The following ADCY2 variants were observed in gnomAD, a reference collection of about 807,000 sequenced individuals.
ADCY2 encodes adenylate cyclase type 2.
In ADCY2, 31 loss-of-function variants were observed where a neutral mutation model predicts 125.2. The ratio of observed to expected loss-of-function variants is 0.25; its 90% CI spans 0.19 to 0.33. The LOEUF is 0.33. Ranked by LOEUF, ADCY2 falls within the 10% of genes least tolerant of loss-of-function variation. ADCY2 has a pLI of 1.00. For synonymous variants in ADCY2, 512 were observed against 548.4 expected (o/e 0.93, Z 0.93); for missense variants, 904 against 1,418.2 (o/e 0.64, Z 5.82).
chr5:7,598,518 G>C (rs561649425), intron 3 of ADCY2, among the ~76,000 whole-genome samples: 1 of 152,292 alleles, frequency 6.6e-6, no homozygotes, highest in South Asian at 2.1e-4. Context: ...AGAATTTTCT[G>C]TGGGGGGTTC....
intron 20 of ADCY2, among the ~76,000 whole-genome samples, chr5:7,792,790 G>A (rs1195623973): frequency 6.6e-6 from 1 of 152,192 alleles, no homozygotes; most frequent in Admixed American, 6.5e-5. Flanking sequence ...ACGTGAGCTG[G>A]TTACTTCCCT....
chr5:7,735,172 A>C (rs1211367369), intron 14 of ADCY2, among the ~76,000 whole-genome samples: 1 of 152,188 alleles, frequency 6.6e-6, no homozygotes, highest in Non-Finnish European at 1.5e-5. Context: ...TAGAATACTG[A>C]AGAGCCTGAA....
At chr5:7,787,214 T>G (rs971092742) in intron 19 of ADCY2, among the ~76,000 whole-genome samples, 1 of 152,128 alleles carries the variant, frequency 6.6e-6, no homozygotes, top group African/African-American at 2.4e-5. Context: ...GCACACAGAA[T>G]CCTCTGTCTC....
chr5:7,649,220 T>C (rs1273758414), intron 4 of ADCY2, among the ~76,000 whole-genome samples: 2 of 152,208 alleles, frequency 1.3e-5, no homozygotes, highest in East Asian at 3.8e-4. Context: ...AATTGGAACA[T>C]TGATATTAAA....
At chr5:7,512,237 A>AAAAAAAAAAAAAAAAAAAAAAAAC in intron 2 of ADCY2, among the ~76,000 whole-genome samples, 3 of 149,694 alleles carry the variant, frequency 2.0e-5, no homozygotes, top group African/African-American at 5.0e-5. Context: ...AAAAAAAAAA[A>AAAAAAAAAAAAAAAAAAAAAAAAC]AAAGAAAACC....
intron 1 of ADCY2, among the ~76,000 whole-genome samples, chr5:7,404,379 A>G (rs575440970): frequency 6.6e-6 from 1 of 152,278 alleles, no homozygotes; most frequent in East Asian, 1.9e-4. Context: ...ATATTAGATT[A>G]TGTCATGGAA....
chr5:7,411,568 G>A (rs1739718829), intron 1 of ADCY2, among the ~76,000 whole-genome samples: 1 of 152,048 alleles, frequency 6.6e-6, no homozygotes, highest in South Asian at 2.1e-4. Flanking sequence ...CTCTAAGAGG[G>A]CTGTAGGACC....
intron 16 of ADCY2, among the ~76,000 whole-genome samples, chr5:7,759,786 A>G (rs938959176): frequency 3.3e-5 from 5 of 152,156 alleles, no homozygotes; most frequent in Non-Finnish European, 7.3e-5. Flanking sequence ...CTGGGGTACC[A>G]CTGGGCTCCA....
intron 2 of ADCY2, among the ~76,000 whole-genome samples, chr5:7,517,841 A>G (rs1316867191): frequency 6.6e-6 from 1 of 152,164 alleles, no homozygotes; most frequent in Non-Finnish European, 1.5e-5. Context: ...AAATTAAGCT[A>G]CTCAAAAGTT....
intron 3 of ADCY2, among the ~76,000 whole-genome samples, chr5:7,560,203 G>T (rs73739846): frequency 0.014 from 2,056 of 152,274 alleles, 42 homozygotes; most frequent in African/African-American, 0.047. Flanking sequence ...TAACAGCCCT[G>T]CATTTTGTTT....
chr5:7,716,152 G>C (rs1382064166), intron 11 of ADCY2, among the ~76,000 whole-genome samples: 11 of 152,254 alleles, frequency 7.2e-5, no homozygotes, highest in African/African-American at 2.6e-4. Flanking sequence ...TTATATTATG[G>C]CTAAAGGTTA....
intron 3 of ADCY2, among the ~76,000 whole-genome samples, chr5:7,558,209 C>T (rs568409889): frequency 2.0e-5 from 3 of 152,146 alleles, no homozygotes; most frequent in East Asian, 3.9e-4. Flanking sequence ...CACGCCACCA[C>T]GCCTGGCTAA....
At chr5:7,704,198 G>A (rs193074640) in intron 7 of ADCY2, among the ~76,000 whole-genome samples, 1 of 152,152 alleles carries the variant, frequency 6.6e-6, no homozygotes, top group East Asian at 1.9e-4. Flanking sequence ...TTAAGCTGGT[G>A]AGGGGAACGT....
rs545190016 is a variant in ADCY2, at chr5:7,742,091, C to T, written c.1872-1577C>T. Among the ~76,000 whole-genome samples the T allele has an allele frequency of 9.4e-5, 14 of 149,712 alleles. 1 individual carries two copies. The South Asian group carries it at 2.8e-3, about 30-fold the overall frequency. On this transcript the variant is annotated intron_variant, in intron 14 of 24. Transcript: ENST00000338316. ...ACTCAGCCTTATGAATCTGGCATTA[C>T]CTTAACACCGAGAAAAAGCTAGGAG...
intron 16 of ADCY2, among the ~76,000 whole-genome samples, chr5:7,766,018 T>C (rs1743365019): frequency 6.6e-6 from 1 of 152,312 alleles, no homozygotes; most frequent in African/African-American, 2.4e-5. Context: ...ATACTGTCCT[T>C]CTGATGCTTA....
At chr5:7,748,163 A>C (rs556334916) in intron 15 of ADCY2, among the ~76,000 whole-genome samples, 1 of 152,262 alleles carries the variant, frequency 6.6e-6, no homozygotes, top group Admixed American at 6.5e-5. Flanking sequence ...AGCTATTCTC[A>C]GGCAGAGAAA....
chr5:7,517,122 G>A (rs1458361850), intron 2 of ADCY2, among the ~76,000 whole-genome samples: 1 of 152,118 alleles, frequency 6.6e-6, no homozygotes, highest in Non-Finnish European at 1.5e-5. Context: ...TAGGAAGATA[G>A]GCATGTCTTG....
rs1402478380 is a variant in ADCY2, at chr5:7,619,503, G to T, written c.571-6664G>T. On this transcript the variant is annotated intron_variant, in intron 3 of 24. Coordinates refer to ENST00000338316, the MANE Select transcript of ADCY2 (RefSeq NM_020546.3). Reference sequence around the variant, plus strand: ...CATAAAGGACTAAAAAATCTCCTGTGGAGAAATATAAAGCTCTGTGTAACT... The same window carrying T: ...CATAAAGGACTAAAAAATCTCCTGTTGAGAAATATAAAGCTCTGTGTAACT... 2.0e-5 allele frequency among the ~76,000 whole-genome samples: 3 copies of T among 152,190 alleles called. No individual in the cohort carries two copies. The East Asian group carries it at 5.8e-4, about 29-fold the overall frequency.
intron 19 of ADCY2, among the ~76,000 whole-genome samples, chr5:7,787,036 C>T (rs1279388343): frequency 6.6e-6 from 1 of 152,226 alleles, no homozygotes; most frequent in Non-Finnish European, 1.5e-5. Flanking sequence ...GTCTCACTCA[C>T]TGTTGATAGA....
Sources: allele counts gnomAD v4.1 joint callset (sites outside exome capture counted in the v4.1 genomes callset), GRCh38; gene constraint gnomAD v4.1.1; transcripts MANE v1.5; gene names NCBI Gene and HGNC (gene_info 2026-07-23, HGNC 2026-07-21).